ITGA1: variants seen among roughly 807,000 people sequenced by gnomAD.
ITGA1 encodes integrin subunit alpha 1, also known as integrin alpha-1.
A neutral mutation model predicts 145.9 loss-of-function variants in ITGA1; 85 were observed. That is an observed-to-expected ratio of 0.58 (90% CI 0.49 to 0.70). The LOEUF (loss-of-function observed/expected upper bound fraction) is 0.70. Among genes scored for constraint, ITGA1 ranks in the 30% least tolerant of loss-of-function variants. The pLI is 0.00. For missense variants in ITGA1, 1,351 were observed against 1,418.7 expected (o/e 0.95, Z 0.77); for synonymous variants, 520 against 495.3 (o/e 1.05, Z -0.66).
chr5:52,834,536 AAGAGAAAGAAAGAGAAAGAGAG>A (rs750048227), intron 1 of ITGA1, among the ~76,000 whole-genome samples: 83 of 122,338 alleles, frequency 6.8e-4, no homozygotes, highest in Non-Finnish European at 1.1e-3. Context: ...GAGAGGAAGA[AAGAGAAAGAAAGAGAAAGAGAG>A]AGAGAAAGAG....
At position 52,920,421 on chromosome 5, in the gene ITGA1, A is replaced by G. The variant is rs745308435; in HGVS notation, c.2245A>G (p.Ile749Val). The change falls in exon 17 of 29, where the codon ATC becomes GTC. Residue 749 changes from isoleucine (I) to valine (V), a missense_variant. Physicochemically the swap from Ile to Val is conservative, Grantham distance 29. Coordinates refer to ENST00000282588, the MANE Select transcript of ITGA1 (RefSeq NM_181501.2). ...TCAAGAGAGAAAGGTTCAAAGGAAC[A>G]TCACAGTTCGAAAATCAGAATGCAC... ...GTQERKVQRN[I>V]TVRKSECTKH... The G allele has an allele frequency of 1.2e-6, 2 of 1,610,840 alleles. No homozygotes were observed. Among genetic ancestry groups the G allele is most frequent in the Non-Finnish European group, 1.7e-6 (2 of 1,178,704 alleles).
chr5:52,900,574 T>A (rs1356791068), intron 11 of ITGA1, among the ~76,000 whole-genome samples: 1 of 152,182 alleles, frequency 6.6e-6, no homozygotes, highest in Non-Finnish European at 1.5e-5. Flanking sequence ...ACTTAATGAA[T>A]ATTACACACC....
chr5:52,819,566 G>T (rs1748833909), intron 1 of ITGA1, among the ~76,000 whole-genome samples: 1 of 152,164 alleles, frequency 6.6e-6, no homozygotes, highest in African/African-American at 2.4e-5. Flanking sequence ...CAGATGAGTA[G>T]ATTGCAAATA....
chr5:52,882,070 G>A, intron 7 of ITGA1, 49 bp downstream of exon 7: 1 of 1,442,164 alleles, frequency 6.9e-7, no homozygotes, highest in South Asian at 1.5e-5. Context: ...AAAAATAACT[G>A]CTCATGATTT....
chr5:52,879,752 T>G (rs1749925516), intron 6 of ITGA1, among the ~76,000 whole-genome samples: 2 of 152,176 alleles, frequency 1.3e-5, no homozygotes, highest in Admixed American at 1.3e-4. Flanking sequence ...ATTCCAAATA[T>G]AGTAGCTCTC....
At chr5:52,857,587 A>G (rs963749442) in intron 2 of ITGA1, among the ~76,000 whole-genome samples, 2 of 151,802 alleles carry the variant, frequency 1.3e-5, no homozygotes, top group Admixed American at 1.3e-4. Flanking sequence ...TATTCTTTAT[A>G]TTGTTTCCTT....
At chr5:52,831,454 A>T (rs1375399183) in intron 1 of ITGA1, among the ~76,000 whole-genome samples, 4 of 151,916 alleles carry the variant, frequency 2.6e-5, no homozygotes, top group African/African-American at 9.7e-5. Flanking sequence ...ACAGAGGGTT[A>T]CCCAAACTAA....
intron 16 of ITGA1, 127 bp downstream of exon 16, chr5:52,919,025 A>G: frequency 1.3e-6 from 1 of 793,614 alleles, no homozygotes; most frequent in Non-Finnish European, 1.9e-6. Flanking sequence ...TGCCCCAGTG[A>G]AGATGCAGAA....
At chr5:52,926,725 T>C (rs1046465109) in intron 19 of ITGA1, among the ~76,000 whole-genome samples, 3 of 152,146 alleles carry the variant, frequency 2.0e-5, no homozygotes, top group Non-Finnish European at 2.9e-5. Flanking sequence ...CTATGCTGAC[T>C]TAATGGCCTG....
chr5:52,849,214 T>A (rs1749387572), intron 1 of ITGA1, 151 bp from the exon 2 acceptor site: 1 of 570,034 alleles, frequency 1.8e-6, no homozygotes, highest in Non-Finnish European at 2.9e-6. Context: ...CAGTTAAGAG[T>A]GGAGACCTTC....
Position 52,955,170 on chromosome 5 carries a change from A to AAC in ITGA1, c.*2719_*2720insAC, listed in dbSNP as rs1554048592. 2 of 151,732 alleles carry AAC rather than the reference A, an allele frequency of 1.3e-5. No individual in the cohort carries two copies. The highest frequency in any genetic ancestry group is 6.6e-5 in the Admixed American group (1 of 15,212). 9.4% of individuals were successfully genotyped at this position (151,732 alleles called of 1,614,324 possible). A position where few individuals can be genotyped will look rare whatever the true frequency, so the allele number is the denominator to read the frequency against. ...ACACTGTCCAGGAGGGAAAAAAAAA[A>AAC]CAGTCTCTGATTTGTATCATTTGCC... is the stretch of plus-strand genomic sequence containing the variant. On this transcript the variant is annotated 3_prime_UTR_variant, in exon 29 of 29. Transcript: ENST00000282588.
intron 1 of ITGA1, among the ~76,000 whole-genome samples, chr5:52,834,552 AAGAGAGAGAGAAAGAG>A (rs939262617): frequency 3.5e-4 from 14 of 39,484 alleles, no homozygotes; most frequent in Middle Eastern, 0.01. Context: ...AAGAAAGAGA[AAGAGAGAGAGAAAGAG>A]AGAAGAAAGA....
At chr5:52,794,102 G>T (rs1400055251) in intron 1 of ITGA1, among the ~76,000 whole-genome samples, 1 of 151,926 alleles carries the variant, frequency 6.6e-6, no homozygotes, top group African/African-American at 2.4e-5. Context: ...TATCCAAACA[G>T]GAGATCCCTA....
chr5:52,931,035 A>G (rs1035348714), intron 21 of ITGA1: 2 of 152,156 alleles, frequency 1.3e-5, no homozygotes, highest in African/African-American at 4.8e-5. Flanking sequence ...CCAAGGCAGC[A>G]TGCTGCTTTC....
Position 52,893,582 on chromosome 5 carries a change from C to T in ITGA1, c.925-93C>T, listed in dbSNP as rs1750182786. 5.2e-6 allele frequency: 6 copies of T among 1,162,738 alleles called. No homozygotes were observed. The Admixed American group carries it at 1.1e-4, about 22-fold the overall frequency. 72.0% of individuals were successfully genotyped at this position (1,162,738 alleles called of 1,614,324 possible). On this transcript the variant is annotated intron_variant, in intron 8 of 28. Coordinates refer to ENST00000282588, the MANE Select transcript of ITGA1 (RefSeq NM_181501.2). ...ATAAAAATTCCATTATGCTAAGGTA[C>T]TCTACACTGTTGTTTACTGACAAAA...
chr5:52,910,577 CTA>C (rs781498211), intron 14 of ITGA1, among the ~76,000 whole-genome samples, 158 bp downstream of exon 14: 9 of 149,182 alleles, frequency 6.0e-5, no homozygotes, highest in African/African-American at 1.7e-4. Context: ...AGATTAGTTA[CTA>C]TATATATATA....
intron 27 of ITGA1, among the ~76,000 whole-genome samples, chr5:52,945,743 T>C (rs1751125845): frequency 6.6e-6 from 1 of 152,240 alleles, no homozygotes; most frequent in East Asian, 1.9e-4. Context: ...ATGTGAATCA[T>C]AAAATTCAAT....
chr5:52,800,147 A>G lies in ITGA1; in HGVS notation c.61+11733A>G, dbSNP rs1018418900. 1.3e-5 allele frequency: 7 copies of G among 534,396 alleles called. 1 individual carries two copies. Among genetic ancestry groups the G allele is most frequent in the African/African-American group, 7.6e-5 (4 of 52,354 alleles). 33.1% of individuals were successfully genotyped at this position (534,396 alleles called of 1,614,324 possible). A position where few individuals can be genotyped will look rare whatever the true frequency, so the allele number is the denominator to read the frequency against. The stretch of plus-strand genomic sequence containing the variant: ...GCCAGCGGGAACTGTGTAGGGGTAG[A>G]TTTTCGCTGCAGTGTTCCCCGAGCC... On this transcript the variant is annotated intron_variant, in intron 1 of 28. Coordinates refer to ENST00000282588, the MANE Select transcript of ITGA1 (RefSeq NM_181501.2).
At chr5:52,891,251 G>A (rs996253782) in intron 8 of ITGA1, among the ~76,000 whole-genome samples, 1 of 110,410 alleles carries the variant, frequency 9.1e-6, no homozygotes, top group Non-Finnish European at 1.9e-5. Context: ...ACCCAGCAAT[G>A]TTTTTTTTTT....
Sources: allele counts gnomAD v4.1 joint callset (sites outside exome capture counted in the v4.1 genomes callset), GRCh38; gene constraint gnomAD v4.1.1; transcripts MANE v1.5; gene names NCBI Gene and HGNC (gene_info 2026-07-23, HGNC 2026-07-21).